Variants in CAMKMT observed in about 807,000 individuals in gnomAD.
CAMKMT encodes the protein CaM KMT.
A neutral mutation model predicts 48.0 loss-of-function variants in CAMKMT; 53 were observed. The ratio of observed to expected loss-of-function variants is 1.10; its 90% CI spans 0.89 to 1.39. The LOEUF (loss-of-function observed/expected upper bound fraction) is 1.39, where lower values mean the gene tolerates loss of function less well. Ranked by LOEUF, CAMKMT falls within the 40% of genes most tolerant of loss-of-function variation. CAMKMT has a pLI of 0.00. For missense variants in CAMKMT, 428 were observed against 402.7 expected, an observed-to-expected ratio of 1.06 and a Z score of -0.54; for synonymous variants, 165 against 152.3, an observed-to-expected ratio of 1.08 and a Z score of -0.61.
chr2:44,408,579 C>G (rs1295743052), intron 3 of CAMKMT, among the ~76,000 whole-genome samples: 1 of 151,968 alleles, frequency 6.6e-6, no homozygotes, highest in Non-Finnish European at 1.5e-5. Context: ...CTCAAGGCCA[C>G]TCAGCTAGTT....
intron 3 of CAMKMT, among the ~76,000 whole-genome samples, chr2:44,556,450 CTTTTTTTTTTTTTTTTT>C (rs1176467214): frequency 4.0e-5 from 2 of 50,230 alleles, no homozygotes; most frequent in African/African-American, 9.2e-5. Flanking sequence ...ATTTTTCTTT[CTTTTTTTTTTTTTTTTT>C]TTTTTTTTTT....
chr2:44,614,936 CTTTTTT>C (rs3083440), intron 3 of CAMKMT, among the ~76,000 whole-genome samples: 21 of 48,988 alleles, frequency 4.3e-4, no homozygotes, highest in East Asian at 1.4e-3. Flanking sequence ...GGTCTCCTTG[CTTTTTT>C]TTTTTTTTTT....
intron 3 of CAMKMT, among the ~76,000 whole-genome samples, chr2:44,661,475 C>T (rs541407698): frequency 6.6e-6 from 1 of 151,970 alleles, no homozygotes; most frequent in African/African-American, 2.4e-5. Flanking sequence ...GTCATTATGC[C>T]CAGCTAATTT....
chr2:44,703,057 C>T (rs1013811183), intron 3 of CAMKMT, among the ~76,000 whole-genome samples: 7 of 152,126 alleles, frequency 4.6e-5, no homozygotes, highest in African/African-American at 1.7e-4. Flanking sequence ...ATGGTGCTCT[C>T]AGCCTTAGGA....
At chr2:44,458,783 G>A (rs1292002506) in intron 3 of CAMKMT, among the ~76,000 whole-genome samples, 1 of 152,148 alleles carries the variant, frequency 6.6e-6, no homozygotes, top group Non-Finnish European at 1.5e-5. Context: ...TACTCCTATA[G>A]CAATACTTGA....
At chr2:44,675,243 A>G (rs894018608) in intron 3 of CAMKMT, among the ~76,000 whole-genome samples, 11 of 152,086 alleles carry the variant, frequency 7.2e-5, no homozygotes, top group African/African-American at 2.4e-4. Context: ...ATTGCTTTTT[A>G]TTCCCTTAAA....
chr2:44,692,685 C>G (rs989942979), intron 3 of CAMKMT, among the ~76,000 whole-genome samples: 3 of 145,026 alleles, frequency 2.1e-5, no homozygotes, highest in African/African-American at 8.2e-5. Flanking sequence ...AGTATTCAAG[C>G]TGCACTGTAA....
intron 5 of CAMKMT, 43 bp from the exon 6 acceptor site, chr2:44,707,356 G>A (rs1323933116): frequency 6.3e-7 from 1 of 1,574,846 alleles, no homozygotes; most frequent in Non-Finnish European, 8.7e-7. Context: ...ACACAGACAA[G>A]CATATTTGCT....
chr2:44,491,533 G>A (rs1669506038), intron 3 of CAMKMT, among the ~76,000 whole-genome samples: 2 of 152,164 alleles, frequency 1.3e-5, no homozygotes, highest in South Asian at 2.1e-4. Flanking sequence ...TATTTTAAAT[G>A]TGTTAATTTA....
At chr2:44,381,540 G>A (rs1032371513) in intron 2 of CAMKMT, among the ~76,000 whole-genome samples, 3 of 152,160 alleles carry the variant, frequency 2.0e-5, no homozygotes, top group Non-Finnish European at 4.4e-5. Flanking sequence ...CTGCAGCAGT[G>A]TGCACAATAG....
At chr2:44,573,010 A>G (rs1458703676) in intron 3 of CAMKMT, among the ~76,000 whole-genome samples, 1 of 151,602 alleles carries the variant, frequency 6.6e-6, no homozygotes, top group East Asian at 1.9e-4. Flanking sequence ...ATATCTTAGT[A>G]ATAGTAATCT....
At chr2:44,645,174 G>T (rs943934512) in intron 3 of CAMKMT, among the ~76,000 whole-genome samples, 6 of 152,222 alleles carry the variant, frequency 3.9e-5, no homozygotes, top group Non-Finnish European at 7.3e-5. Context: ...GTTGTGATGA[G>T]TAGGAGGCCA....
intron 3 of CAMKMT, among the ~76,000 whole-genome samples, chr2:44,579,683 C>T (rs181308902): frequency 2.6e-5 from 4 of 152,288 alleles, no homozygotes; most frequent in Non-Finnish European, 5.9e-5. Context: ...CTCTGTGTCT[C>T]TTATCTACAT....
At chr2:44,575,326 A>G (rs1255799935) in intron 3 of CAMKMT, among the ~76,000 whole-genome samples, 5 of 149,702 alleles carry the variant, frequency 3.3e-5, no homozygotes, top group Non-Finnish European at 7.4e-5. Flanking sequence ...TCATCCTCCC[A>G]CCTCGGTATC....
At chr2:44,578,313 A>T in intron 3 of CAMKMT, among the ~76,000 whole-genome samples, 1 of 152,376 alleles carries the variant, frequency 6.6e-6, no homozygotes, top group East Asian at 1.9e-4. Context: ...TAATAATTTC[A>T]TATGGAAATA....
At chr2:44,757,324 G>T (rs1680424148) in intron 9 of CAMKMT, among the ~76,000 whole-genome samples, 1 of 152,194 alleles carries the variant, frequency 6.6e-6, no homozygotes, top group African/African-American at 2.4e-5. Context: ...CTCTCATAGA[G>T]TTCTATCAGC....
intron 3 of CAMKMT, among the ~76,000 whole-genome samples, chr2:44,532,941 T>G (rs974020745): frequency 2.0e-5 from 3 of 151,618 alleles, no homozygotes; most frequent in Admixed American, 6.6e-5. Context: ...GCCTCCTGAG[T>G]AGCTGGGATT....
intron 3 of CAMKMT, among the ~76,000 whole-genome samples, chr2:44,614,996 G>A (rs1671806294): frequency 8.2e-6 from 1 of 121,644 alleles, no homozygotes; most frequent in Admixed American, 1.1e-4. Context: ...AGGCTAGAGT[G>A]CAGTGGTGAC....
intron 3 of CAMKMT, among the ~76,000 whole-genome samples, chr2:44,644,561 G>T (rs112493068): frequency 6.4e-4 from 98 of 152,326 alleles, no homozygotes; most frequent in African/African-American, 2.0e-3. Flanking sequence ...TTCTTCAAAT[G>T]TTAAAGCCAT....
Sources: gnomAD v4.1 joint callset for allele counts (sites outside exome capture counted in the v4.1 genomes callset) on GRCh38, gnomAD v4.1.1 for gene constraint, MANE v1.5 for transcripts, NCBI Gene and HGNC (gene_info 2026-07-23, HGNC 2026-07-21) for gene names.